The following OTOF variants were observed in gnomAD, a reference collection of about 807,000 sequenced individuals.
OTOF encodes the protein fer-1-like family member 2.
OTOF carries 218 observed loss-of-function variants against 236.8 expected under a neutral mutation model. The observed-to-expected ratio is 0.92, with a 90% CI of 0.82 to 1.03. The LOEUF (loss-of-function observed/expected upper bound fraction) is 1.03, where lower values mean the gene tolerates loss of function less well. Among genes scored for constraint, OTOF ranks in the 50% least tolerant of loss-of-function variants. OTOF has a pLI of 0.00. For missense variants in OTOF, 2,590 were observed against 2,694.4 expected, an observed-to-expected ratio of 0.96 and a Z score of 0.86; for synonymous variants, 1,041 against 1,072.5, an observed-to-expected ratio of 0.97 and a Z score of 0.57.
rs111440869 is a variant in OTOF, at chr2:26,482,416, G to A, written c.1569C>T (p.Asp523=). Residue 523 remains aspartate, a synonymous_variant, in exon 14 of 47, where the codon GAC becomes GAT. Transcript: ENST00000272371. ...TCTCCCGCTGCTGACCTTTGTCTCCGTCATTAGAAATCTTGCGCAGGTCAA... is the reference window on the plus strand; with the variant it reads ...TCTCCCGCTGCTGACCTTTGTCTCCATCATTAGAAATCTTGCGCAGGTCAA... ...HFIDLRKISN[D]GDKGFLPTLG... 280 of 1,613,234 alleles carry A rather than the reference G, an allele frequency of 1.7e-4. No individual in the cohort carries two copies. Among genetic ancestry groups the A allele is most frequent in the African/African-American group, 3.1e-4 (23 of 75,068 alleles).
At chr2:26,558,029 C>T (rs1422686483) in intron 1 of OTOF, among the ~76,000 whole-genome samples, 1 of 151,960 alleles carries the variant, frequency 6.6e-6, no homozygotes, top group Non-Finnish European at 1.5e-5. Context: ...ACAGTGTCCC[C>T]CATCACTCTG....
At position 26,466,938 on chromosome 2, in the gene OTOF, C is replaced by A; in HGVS notation, c.4363-87G>T. Reference sequence around the variant, plus strand: ...GCTAACAGCACCAGGAGGGCTGGACCCTGATGTGGCAGGGCCTTCACCCTT... The same window carrying A: ...GCTAACAGCACCAGGAGGGCTGGACACTGATGTGGCAGGGCCTTCACCCTT... On this transcript the variant is annotated intron_variant, in intron 35 of 46. Transcript: ENST00000272371. 3.8e-6 allele frequency: 6 copies of A among 1,588,086 alleles called. No individual in the cohort carries two copies. The South Asian group carries it at 6.6e-5, about 18-fold the overall frequency.
At position 26,476,301 on chromosome 2, in the gene OTOF, C is replaced by T. The variant is rs772312557; in HGVS notation, c.2693G>A (p.Gly898Asp). The change falls in exon 23 of 47, where the codon GGC (glycine) becomes GAC (aspartate). Residue 898 changes from glycine (G) to aspartate (D), a missense_variant. Gly to Asp is a moderately conservative substitution (Grantham distance 94). This residue lies in a region of OTOF where 1,379 missense variants were observed against 1,341.6 expected (regional missense o/e 1.03). Transcript: ENST00000272371. ...CACTGTCCAGCCTGCCGAGCCGAAG[C>T]CCCGCTTCCCTGGCAGCTGGGGGTG... ...TLFLKLPGKR[G>D]FGSAGWTVQA... is the part of the protein sequence containing the mutation. The T allele has an allele frequency of 1.4e-5, 23 of 1,604,642 alleles. No homozygotes were observed. The highest frequency in any genetic ancestry group is 1.8e-5 in the Non-Finnish European group (21 of 1,179,780).
At chr2:26,509,809 C>T (rs932871651) in intron 5 of OTOF, among the ~76,000 whole-genome samples, 2 of 152,180 alleles carry the variant, frequency 1.3e-5, no homozygotes, top group African/African-American at 4.8e-5. Context: ...TAGATACAGT[C>T]AAGTTCTCTA....
intron 2 of OTOF, among the ~76,000 whole-genome samples, chr2:26,533,150 A>G (rs1489871813): frequency 6.6e-6 from 1 of 152,180 alleles, no homozygotes; most frequent in African/African-American, 2.4e-5. Flanking sequence ...TGTGAACAAC[A>G]TATGCAAGAG....
intron 8 of OTOF, among the ~76,000 whole-genome samples, chr2:26,496,071 T>C (rs1665977593): frequency 6.6e-6 from 1 of 152,210 alleles, no homozygotes. Context: ...CACTCTGCTG[T>C]GTCCTTTATG....
intron 10 of OTOF, 48 bp from the exon 11 acceptor site, chr2:26,489,343 G>C: frequency 2.1e-6 from 3 of 1,424,780 alleles, no homozygotes; most frequent in African/African-American, 2.8e-5. Context: ...CAAGGGTGAG[G>C]CTTTCCATGG....
intron 3 of OTOF, among the ~76,000 whole-genome samples, chr2:26,523,552 A>G (rs143054576): frequency 2.0e-4 from 30 of 152,308 alleles, no homozygotes; most frequent in African/African-American, 7.0e-4. Flanking sequence ...TGCATCGGTC[A>G]TGTGATGCTG....
chr2:26,482,916 CGTGT>C (rs1166649462), intron 13 of OTOF, among the ~76,000 whole-genome samples: 2 of 90,654 alleles, frequency 2.2e-5, no homozygotes, highest in East Asian at 3.7e-4. Flanking sequence ...TGCATGTGTG[CGTGT>C]GAGTGGGTGC....
intron 3 of OTOF, among the ~76,000 whole-genome samples, chr2:26,526,235 T>G (rs1204407591): frequency 6.7e-6 from 1 of 149,450 alleles, no homozygotes; most frequent in African/African-American, 2.5e-5. Context: ...GATGAATGAA[T>G]GGATGAAAGG....
chr2:26,526,991 A>AT (rs1420809817), intron 3 of OTOF, among the ~76,000 whole-genome samples: 1 of 152,128 alleles, frequency 6.6e-6, no homozygotes, highest in African/African-American at 2.4e-5. Flanking sequence ...CCTGGCTGTG[A>AT]TTTTTTAACC....
At chr2:26,463,333 C>T in intron 41 of OTOF, 150 bp downstream of exon 41, 1 of 726,632 alleles carries the variant, frequency 1.4e-6, no homozygotes, top group South Asian at 1.5e-5. Context: ...AGTTTCTCCC[C>T]TATAAGGCCC....
rs1000862799 is a variant in OTOF at position 26,518,862 on chromosome 2, G to T, written c.327+148C>A. The T allele has an allele frequency of 8.6e-6, 6 of 701,086 alleles. No homozygotes were observed. The African/African-American group carries it at 8.7e-5, about 10-fold the overall frequency. The allele number at this position is 701,086 out of a possible 1,614,324, so 43.4% of individuals were successfully genotyped here. On this transcript the variant is annotated intron_variant, in intron 4 of 46. Transcript: ENST00000272371. Reference sequence around the variant, plus strand: ...CATGGCCACAGATTGAGCCATTCCAGCAGAGTCTGACCTGAGTCTCCTCCT... The same window carrying T: ...CATGGCCACAGATTGAGCCATTCCATCAGAGTCTGACCTGAGTCTCCTCCT...
intron 30 of OTOF, among the ~76,000 whole-genome samples, chr2:26,471,862 T>G (rs1434485911): frequency 6.6e-6 from 1 of 150,566 alleles, no homozygotes; most frequent in Non-Finnish European, 1.5e-5. Flanking sequence ...CATGCACACA[T>G]GCACATATGC....
At chr2:26,467,970 G>A (rs571720332) in intron 33 of OTOF, among the ~76,000 whole-genome samples, 1 of 152,338 alleles carries the variant, frequency 6.6e-6, no homozygotes, top group South Asian at 2.1e-4. Context: ...CTTCCTTTTA[G>A]AGATGTATAA....
At chr2:26,551,837 A>G (rs1489348344) in intron 1 of OTOF, among the ~76,000 whole-genome samples, 2 of 152,236 alleles carry the variant, frequency 1.3e-5, no homozygotes, top group African/African-American at 4.8e-5. Context: ...TAATTTCTTT[A>G]AAATGACAAA....
chr2:26,475,537 G>T (rs1197573016), intron 24 of OTOF, 44 bp from the exon 25 acceptor site: 10 of 1,603,944 alleles, frequency 6.2e-6, no homozygotes, highest in Non-Finnish European at 7.7e-6. Context: ...GACAGAGGGG[G>T]GGGCAGATGC....
chr2:26,557,160 G>A (rs535613469), intron 1 of OTOF, among the ~76,000 whole-genome samples: 69 of 152,298 alleles, frequency 4.5e-4, no homozygotes, highest in African/African-American at 1.6e-3. Flanking sequence ...TAGGTGATGT[G>A]GGTGCCCCAG....
intron 11 of OTOF, among the ~76,000 whole-genome samples, chr2:26,485,987 G>C (rs1438384219): frequency 6.6e-6 from 1 of 152,256 alleles, no homozygotes; most frequent in African/African-American, 2.4e-5. Context: ...GCAGATGTGT[G>C]TCGGATGAGG....
Sources: gnomAD v4.1 joint callset for allele counts (sites outside exome capture counted in the v4.1 genomes callset) on GRCh38, gnomAD v4.1.1 for gene constraint, gnomAD v4.1.1 regional missense constraint, MANE v1.5 for transcripts, NCBI Gene and HGNC (gene_info 2026-07-23, HGNC 2026-07-21) for gene names.